The following RIMKLB variants were observed in gnomAD, a reference collection of about 807,000 sequenced individuals.
RIMKLB encodes the protein ribosomal modification protein rimK like family member B, also known as beta-citrylglutamate synthase B.
Under a neutral mutation model 32.0 loss-of-function variants are expected in RIMKLB, and 7 were observed. The ratio of observed to expected loss-of-function variants is 0.22; its 90% confidence interval spans 0.12 to 0.41. The LOEUF (loss-of-function observed/expected upper bound fraction) is 0.41. RIMKLB is among the 10% of genes least tolerant of loss of function. The probability of loss-of-function intolerance (pLI) is 1.00; values close to 1 mark genes in which losing one functional copy is unlikely to be tolerated. For missense variants in RIMKLB, 289 were observed against 498.7 expected, an observed-to-expected ratio of 0.58 and a Z score of 4.00; for synonymous variants, 172 against 185.1, an observed-to-expected ratio of 0.93 and a Z score of 0.57.
chr12:8,761,289 A>G (rs1949499429), intron 5 of RIMKLB, among the ~76,000 whole-genome samples: 1 of 151,976 alleles, frequency 6.6e-6, no homozygotes, highest in Non-Finnish European at 1.5e-5. Context: ...AAAAAAAAAA[A>G]AAGAATTTGT....
chr12:8,755,604 A>C (rs1260556438), intron 5 of RIMKLB, among the ~76,000 whole-genome samples: 1 of 152,196 alleles, frequency 6.6e-6, no homozygotes, highest in Non-Finnish European at 1.5e-5. Context: ...TACCTACAGT[A>C]GCCCCTTAAG....
intron 5 of RIMKLB, among the ~76,000 whole-genome samples, chr12:8,757,836 A>G (rs186072511): frequency 5.3e-4 from 81 of 152,342 alleles, no homozygotes; most frequent in Middle Eastern, 3.4e-3. Context: ...ATGATTCTCC[A>G]AAGTGAGCAT....
chr12:8,703,154 C>T (rs1312500599), intron 1 of RIMKLB, among the ~76,000 whole-genome samples: 1 of 152,070 alleles, frequency 6.6e-6, no homozygotes, highest in East Asian at 1.9e-4. Flanking sequence ...GGTGTAGTGG[C>T]ACGTGCCTGT....
At chr12:8,727,159 A>G (rs2137206205) in intron 2 of RIMKLB, among the ~76,000 whole-genome samples, 1 of 152,220 alleles carries the variant, frequency 6.6e-6, no homozygotes, top group African/African-American at 2.4e-5. Context: ...CTGCACGTGC[A>G]CACAGACACA....
In RIMKLB at chr12:8,730,357, G is replaced by A. The variant is rs754538728; in HGVS notation, c.175+16316G>A. Among the ~76,000 whole-genome samples the A allele has an allele frequency of 2.2e-4, 33 of 152,170 alleles. 1 individual carries two copies. The highest frequency in any genetic ancestry group is 1.2e-3 in the Admixed American group (18 of 15,280). ...CCTGCCTCAGCCTCCCAAAGTGCTGGGATTACAGGCATGAGGCACAGTGCT... is the reference window on the plus strand; with the variant it reads ...CCTGCCTCAGCCTCCCAAAGTGCTGAGATTACAGGCATGAGGCACAGTGCT... On this transcript the variant is annotated intron_variant, in intron 2 of 5. Coordinates refer to ENST00000535829, the MANE Select transcript of RIMKLB (RefSeq NM_001297776.2).
At chr12:8,730,745 T>A (rs1034777625) in intron 2 of RIMKLB, among the ~76,000 whole-genome samples, 2 of 152,354 alleles carry the variant, frequency 1.3e-5, no homozygotes, top group African/African-American at 2.4e-5. Flanking sequence ...TTTCTTTTTT[T>A]AAAATTTTCT....
intron 1 of RIMKLB, among the ~76,000 whole-genome samples, chr12:8,712,488 T>A (rs1944457303): frequency 6.6e-6 from 1 of 152,218 alleles, no homozygotes; most frequent in Non-Finnish European, 1.5e-5. Flanking sequence ...CGACATTAAG[T>A]TAGCATAGTT....
At chr12:8,766,108 C>G (rs902618184) in intron 5 of RIMKLB, among the ~76,000 whole-genome samples, 4 of 151,840 alleles carry the variant, frequency 2.6e-5, no homozygotes, top group Admixed American at 6.6e-5. Flanking sequence ...GGGAATGTTT[C>G]CCATCTGAAA....
At chr12:8,698,743 G>A (rs1272773612) in intron 1 of RIMKLB, among the ~76,000 whole-genome samples, 1 of 149,942 alleles carries the variant, frequency 6.7e-6, no homozygotes, top group South Asian at 2.1e-4. Context: ...GAGCGACCGC[G>A]GGAGGAGGAT....
chr12:8,736,488 G>C (rs1947014834), intron 2 of RIMKLB, among the ~76,000 whole-genome samples: 1 of 150,194 alleles, frequency 6.7e-6, no homozygotes, highest in Non-Finnish European at 1.5e-5. Flanking sequence ...TTTAGATCAA[G>C]GTGCCCCAAA....
At chr12:8,710,361 G>C (rs1277113102) in intron 1 of RIMKLB, among the ~76,000 whole-genome samples, 5 of 147,094 alleles carry the variant, frequency 3.4e-5, no homozygotes, top group Admixed American at 6.9e-5. Flanking sequence ...AGGCTGGAGA[G>C]CAGTGGCACG....
chr12:8,757,470 C>CAAAAAAAAGAAAAAAAAAA (rs1949139336), intron 5 of RIMKLB, among the ~76,000 whole-genome samples: 1 of 71,418 alleles, frequency 1.4e-5, no homozygotes, highest in African/African-American at 4.9e-5. Context: ...GACCCTGTCT[C>CAAAAAAAAGAAAAAAAAAA]AAAAAAAAAA....
chr12:8,715,228 C>CCTTTTTTTTTTTT (rs1445737752), intron 2 of RIMKLB, among the ~76,000 whole-genome samples: 19 of 123,730 alleles, frequency 1.5e-4, no homozygotes, highest in African/African-American at 5.9e-4. Flanking sequence ...TGCTCTTGTT[C>CCTTTTTTTTTTTT]TTTTTTTTTT....
chr12:8,765,534 AC>A (rs1949887246), intron 5 of RIMKLB, among the ~76,000 whole-genome samples: 1 of 152,134 alleles, frequency 6.6e-6, no homozygotes, highest in Non-Finnish European at 1.5e-5. Flanking sequence ...GATTGTCCTA[AC>A]CCTTGTAAAC....
chr12:8,691,644 A>G (rs151013728), intron 1 of RIMKLB, among the ~76,000 whole-genome samples: 3 of 152,182 alleles, frequency 2.0e-5, no homozygotes, highest in Non-Finnish European at 4.4e-5. Context: ...AGAATTAGGA[A>G]ATAGGACAGG....
intron 2 of RIMKLB, among the ~76,000 whole-genome samples, chr12:8,735,487 C>T (rs932457400): frequency 3.9e-5 from 6 of 152,062 alleles, no homozygotes; most frequent in Admixed American, 2.6e-4. Flanking sequence ...GCCTCAGCCT[C>T]CCAAAGTTCT....
chr12:8,697,808 C>G (rs1226603322), upstream of RIMKLB: 1 of 148,808 alleles, frequency 6.7e-6, no homozygotes, highest in African/African-American at 2.4e-5. Flanking sequence ...GTGCTCGGCG[C>G]GCTGGCCCGG....
chr12:8,760,000 G>T (rs1418832444), intron 5 of RIMKLB, among the ~76,000 whole-genome samples: 2 of 152,094 alleles, frequency 1.3e-5, no homozygotes, highest in Non-Finnish European at 2.9e-5. Context: ...CAACGTGCAG[G>T]TTTGTTACAT....
intron 5 of RIMKLB, among the ~76,000 whole-genome samples, chr12:8,759,864 TGATTCTATTAGA>T (rs1377671347): frequency 1.3e-5 from 2 of 152,324 alleles, no homozygotes; most frequent in East Asian, 1.9e-4. Flanking sequence ...TTAAGGAGAT[TGATTCTATTAGA>T]GATTCTATTA....
Sources: gnomAD v4.1 joint callset for allele counts (sites outside exome capture counted in the v4.1 genomes callset) on GRCh38, gnomAD v4.1.1 for gene constraint, MANE v1.5 for transcripts, NCBI Gene and HGNC (gene_info 2026-07-23, HGNC 2026-07-21) for gene names.